The following SLC2A10 variants were observed in gnomAD, a reference collection of about 807,000 sequenced individuals.
SLC2A10 encodes solute carrier family 2, facilitated glucose transporter member 10.
A neutral mutation model predicts 32.1 loss-of-function variants in SLC2A10; 25 were observed. The ratio of observed to expected loss-of-function variants is 0.78; its 90% confidence interval spans 0.57 to 1.09. SLC2A10 has a LOEUF of 1.09. Among genes scored for constraint, SLC2A10 ranks in the 50% least tolerant of loss-of-function variants. SLC2A10 has a pLI of 0.00. For missense variants in SLC2A10, 673 were observed against 686.5 expected (o/e 0.98, Z 0.22); for synonymous variants, 332 against 309.6 (o/e 1.07, Z -0.76).
intron 1 of SLC2A10, among the ~76,000 whole-genome samples, chr20:46,722,280 G>T (rs1979599698): frequency 6.6e-6 from 1 of 152,176 alleles, no homozygotes; most frequent in South Asian, 2.1e-4. Context: ...AGGCTGAGGA[G>T]CTGAGAGGCC....
chr20:46,711,181 G>T (rs1978891061), intron 1 of SLC2A10, among the ~76,000 whole-genome samples: 1 of 152,216 alleles, frequency 6.6e-6, no homozygotes. Context: ...CTCAAAGTTT[G>T]CTCTGAGTCG....
rs1716405587 is a variant in SLC2A10 at position 46,729,505 on chromosome 20, G to C, written c.1547+17G>C. 5 of 1,613,578 alleles carry C rather than the reference G, an allele frequency of 3.1e-6. No homozygotes were observed. Among genetic ancestry groups the C allele is most frequent in the Admixed American group, 1.7e-5 (1 of 60,000 alleles). ...GAAGAGACGGTAGGAAGCTGACAGG[G>C]TGGGTCTGGGGGAAGAGCTGTAGCA... On this transcript the variant is annotated intron_variant, in intron 4 of 4. Transcript: ENST00000359271.
At chr20:46,708,858 C>A (rs897892455), upstream of SLC2A10, among the ~76,000 whole-genome samples, 1 of 152,184 alleles carries the variant, frequency 6.6e-6, no homozygotes, top group Admixed American at 6.5e-5. Context: ...CCCATAAGCT[C>A]CTTCCCACCC....
chr20:46,731,727 G>A, intron 4 of SLC2A10, among the ~76,000 whole-genome samples: 1 of 152,150 alleles, frequency 6.6e-6, no homozygotes, highest in East Asian at 1.9e-4. Flanking sequence ...TCTGTCCCTA[G>A]AGTTCAGGGG....
chr20:46,725,582 C>A lies in SLC2A10; in HGVS notation c.546C>A (p.Leu182=), dbSNP rs763055043. The A allele has an allele frequency of 1.9e-6, 3 of 1,614,220 alleles. No individual in the cohort carries two copies. The highest frequency in any genetic ancestry group is 1.3e-5 in the African/African-American group (1 of 75,062). The change falls in exon 2 of 5, where the codon CTC becomes CTA. Residue 182 remains leucine (L), a synonymous_variant. Coordinates refer to ENST00000359271, the MANE Select transcript of SLC2A10 (RefSeq NM_030777.4). ...TAPAVLQSLS[L]LFLPAGTDET... is the part of the protein sequence containing the mutation. ...CTGCTGTCCTGCAATCCCTCAGCCT[C>A]CTCTTCCTCCCTGCTGGTACAGATG...
chr20:46,732,264 A>T (rs1376886093), intron 4 of SLC2A10, among the ~76,000 whole-genome samples: 1 of 152,082 alleles, frequency 6.6e-6, no homozygotes, highest in African/African-American at 2.4e-5. Flanking sequence ...TGCTCAAAAG[A>T]GACCTTTACC....
Position 46,725,922 on chromosome 20 carries a change from C to T in SLC2A10, c.886C>T (p.Arg296Cys), listed in dbSNP as rs552106000. 18 of 1,613,898 alleles carry T rather than the reference C, an allele frequency of 1.1e-5. No individual in the cohort carries two copies. The highest frequency in any genetic ancestry group is 4.0e-5 in the African/African-American group (3 of 74,936). Residue 296 changes from arginine to cysteine, a missense_variant, in exon 2 of 5, where the codon CGC (arginine) becomes TGC (cysteine). Arg to Cys is a radical substitution (Grantham distance 180). Coordinates refer to ENST00000359271, the MANE Select transcript of SLC2A10 (RefSeq NM_030777.4). The part of the protein sequence containing the change: ...TAMGLVDRAG[R>C]RALLLAGCAL... ...CATGGGGCTGGTGGACCGTGCAGGC[C>T]GCAGGGCTCTGTTGCTAGCTGGCTG...
chr20:46,717,244 C>A (rs962940394), intron 1 of SLC2A10, among the ~76,000 whole-genome samples: 2 of 152,098 alleles, frequency 1.3e-5, no homozygotes, highest in Non-Finnish European at 2.9e-5. Context: ...AAACCCACCC[C>A]ATAATTGATC....
intron 1 of SLC2A10, among the ~76,000 whole-genome samples, chr20:46,720,596 G>A (rs1979496336): frequency 6.6e-6 from 1 of 152,158 alleles, no homozygotes; most frequent in East Asian, 1.9e-4. Flanking sequence ...CAGAATTATT[G>A]TGCAGTTTGG....
intron 1 of SLC2A10, among the ~76,000 whole-genome samples, chr20:46,723,319 C>T (rs1386961875): frequency 6.6e-6 from 1 of 152,144 alleles, no homozygotes; most frequent in Non-Finnish European, 1.5e-5. Flanking sequence ...TCCCTCCTCA[C>T]CCTCTTCTTG....
intron 3 of SLC2A10, among the ~76,000 whole-genome samples, chr20:46,728,100 A>AAGGG (rs1190568633): frequency 6.6e-6 from 1 of 152,096 alleles, no homozygotes; most frequent in Admixed American, 6.5e-5. Flanking sequence ...GGGAGGAAGG[A>AAGGG]AGGGAGGGAG....
At chr20:46,729,320 C>T in intron 3 of SLC2A10, 33 bp from the exon 4 acceptor site, 1 of 1,612,534 alleles carries the variant, frequency 6.2e-7, no homozygotes, top group Non-Finnish European at 8.5e-7. Flanking sequence ...AGTGCTTGGT[C>T]CTGGGCCTAC....
intron 1 of SLC2A10, among the ~76,000 whole-genome samples, chr20:46,724,793 A>G (rs1390667451): frequency 1.4e-5 from 2 of 146,412 alleles, no homozygotes; most frequent in African/African-American, 5.1e-5. Context: ...GAGTGGATGG[A>G]TGGACAGATG....
At chr20:46,712,304 A>C (rs980665093) in intron 1 of SLC2A10, among the ~76,000 whole-genome samples, 3 of 152,232 alleles carry the variant, frequency 2.0e-5, no homozygotes, top group African/African-American at 7.2e-5. Context: ...TCTCTGGTGC[A>C]GGAGGGACCC....
chr20:46,708,609 A>C (rs1345887663), upstream of SLC2A10, among the ~76,000 whole-genome samples: 2 of 152,140 alleles, frequency 1.3e-5, no homozygotes, highest in Admixed American at 1.3e-4. Flanking sequence ...CAACCTCACC[A>C]CAGTGACATG....
chr20:46,732,895 CA>C (rs1980369853), intron 4 of SLC2A10, among the ~76,000 whole-genome samples: 1 of 152,026 alleles, frequency 6.6e-6, no homozygotes, highest in African/African-American at 2.4e-5. Context: ...GTGGAGGGAA[CA>C]GCAAGAGCAA....
intron 1 of SLC2A10, among the ~76,000 whole-genome samples, chr20:46,712,311 A>T (rs1462676170): frequency 1.3e-5 from 2 of 152,090 alleles, no homozygotes; most frequent in East Asian, 1.9e-4. Flanking sequence ...TGCAGGAGGG[A>T]CCCAGTGCTC....
chr20:46,734,116 A>G lies in SLC2A10; in HGVS notation c.*282A>G, dbSNP rs1980448632. Reference sequence around the variant, plus strand: ...GCAGTATTTATAAGAAGAATATTCTATGAAGTCTTTGTTGCACCATGGACT... The same window carrying G: ...GCAGTATTTATAAGAAGAATATTCTGTGAAGTCTTTGTTGCACCATGGACT... On this transcript the variant is annotated 3_prime_UTR_variant, in exon 5 of 5. Coordinates refer to ENST00000359271, the MANE Select transcript of SLC2A10 (RefSeq NM_030777.4). The G allele has an allele frequency of 7.9e-6, 4 of 503,948 alleles. No individual in the cohort carries two copies. The highest frequency in any genetic ancestry group is 2.1e-5 in the South Asian group (1 of 48,270). 31.2% of individuals were successfully genotyped at this position (503,948 alleles called of 1,614,324 possible).
intron 1 of SLC2A10, among the ~76,000 whole-genome samples, chr20:46,718,224 A>G (rs960138468): frequency 1.8e-4 from 27 of 152,026 alleles, no homozygotes; most frequent in African/African-American, 6.5e-4. Flanking sequence ...ATCTTAGAAA[A>G]AAAAAAGAAA....
Sources: gnomAD v4.1 joint callset for allele counts (sites outside exome capture counted in the v4.1 genomes callset) on GRCh38, gnomAD v4.1.1 for gene constraint, MANE v1.5 for transcripts, NCBI Gene and HGNC (gene_info 2026-07-23, HGNC 2026-07-21) for gene names.